The following ZNF564 variants were observed in gnomAD, a reference collection of about 807,000 sequenced individuals.
ZNF564 encodes zinc finger protein 564.
In ZNF564, 5 loss-of-function variants were observed where a neutral mutation model predicts 10.5. The observed-to-expected ratio is 0.48, with a 90% CI of 0.25 to 1.00. The LOEUF (loss-of-function observed/expected upper bound fraction) is 1.00. Ranked by LOEUF, ZNF564 falls within the 50% of genes least tolerant of loss-of-function variation. The pLI is 0.16. For synonymous variants in ZNF564, 242 were observed against 218.1 expected, an observed-to-expected ratio of 1.11 and a Z score of -0.97; for missense variants, 603 against 669.7, an observed-to-expected ratio of 0.90 and a Z score of 1.10.
At chr19:12,527,965 T>C (rs763197254) in intron 3 of ZNF564, 49 bp from the exon 4 acceptor site, 1 of 1,515,616 alleles carries the variant, frequency 6.6e-7, no homozygotes, top group Non-Finnish European at 8.9e-7. Context: ...TTTATATTTA[T>C]TAATAGGTAT....
chr19:12,526,811 G>C lies in ZNF564; in HGVS notation c.1297C>G (p.Leu433Val). The change falls in exon 4 of 4, where the codon CTT becomes GTT. Residue 433 changes from leucine (L) to valine (V), a missense_variant. Physicochemically the swap from Leu to Val is conservative, Grantham distance 32. Coordinates refer to ENST00000339282, the MANE Select transcript of ZNF564 (RefSeq NM_144976.4). ...ATCATATGTTTTCTAATCCTTTTAA[G>C]AGAAATGAAGGCTTTCCCACATACC... ...CQVCGKAFISLKRIRKHMILH... is the reference protein window; with the variant it reads ...CQVCGKAFISVKRIRKHMILH... The C allele has an allele frequency of 6.2e-7, 1 of 1,613,972 alleles. No homozygotes were observed. The highest frequency in any genetic ancestry group is 8.5e-7 in the Non-Finnish European group (1 of 1,179,976).
chr19:12,527,984 C>A (rs139201991), intron 3 of ZNF564, 68 bp from the exon 4 acceptor site: 2 of 1,474,964 alleles, frequency 1.4e-6, no homozygotes, highest in East Asian at 4.5e-5. Context: ...ATTCGACTTA[C>A]ATTTTTACCA....
At chr19:12,539,157 C>G (rs375050647) in intron 1 of ZNF564, among the ~76,000 whole-genome samples, 12 of 147,480 alleles carry the variant, frequency 8.1e-5, no homozygotes, top group African/African-American at 3.0e-4. Context: ...TCGCTTGAAT[C>G]TAGGAGGCAG....
At chr19:12,535,632 A>G (rs767955245) in intron 1 of ZNF564, among the ~76,000 whole-genome samples, 1 of 152,220 alleles carries the variant, frequency 6.6e-6, no homozygotes, top group Admixed American at 6.6e-5. Flanking sequence ...TGAATATACA[A>G]TAGTCAACTC....
Position 12,526,777 on chromosome 19 carries a change from G to C in ZNF564, c.1331C>G (p.Thr444Ser). 6.2e-7 allele frequency: 1 copy of C among 1,614,174 alleles called. No individual in the cohort carries two copies. The highest frequency in any genetic ancestry group is 8.5e-7 in the Non-Finnish European group (1 of 1,180,040). The change falls in exon 4 of 4, where the codon ACT becomes AGT. Residue 444 changes from threonine (T) to serine (S), a missense_variant. Physicochemically the swap from Thr to Ser is moderately conservative, Grantham distance 58. Coordinates refer to ENST00000339282, the MANE Select transcript of ZNF564 (RefSeq NM_144976.4). ...CTGACATTTATAAGGTCCATCTCCA[G>C]TGTGCAGTATCATATGTTTTCTAAT... ...KRIRKHMILH[T>S]GDGPYKCQVC...
chr19:12,532,164 T>C (rs531585023), intron 1 of ZNF564, among the ~76,000 whole-genome samples: 2 of 151,776 alleles, frequency 1.3e-5, no homozygotes, highest in Non-Finnish European at 2.9e-5. Flanking sequence ...TAATGCGCTA[T>C]AATTTATTGT....
Position 12,537,675 on chromosome 19 carries a change from T to C in ZNF564, c.4-8979A>G, listed in dbSNP as rs985810058. 4.0e-5 allele frequency among the ~76,000 whole-genome samples: 6 copies of C among 150,034 alleles called. No individual in the cohort carries two copies. The Admixed American group carries it at 4.0e-4, about 10-fold the overall frequency. On this transcript the variant is annotated intron_variant, in intron 1 of 3. Transcript: ENST00000339282. Reference sequence around the variant, plus strand: ...ATCACTTGAACCCGGGAGGCGGAGGTTGCGGTGAGCCGAGATTTCGCCATT... The same window carrying C: ...ATCACTTGAACCCGGGAGGCGGAGGCTGCGGTGAGCCGAGATTTCGCCATT...
intron 1 of ZNF564, among the ~76,000 whole-genome samples, chr19:12,549,087 C>G (rs73002320): frequency 0.062 from 9,407 of 152,064 alleles, 343 homozygotes; most frequent in African/African-American, 0.1. Flanking sequence ...GAGGAAACTA[C>G]ACAAATAAGA....
chr19:12,535,808 G>C (rs10402969), intron 1 of ZNF564, among the ~76,000 whole-genome samples: 1,877 of 152,168 alleles, frequency 0.012, 28 homozygotes, highest in African/African-American at 0.043. Context: ...GAGGTCAAGA[G>C]ATCGAGACCA....
chr19:12,541,066 C>CAAAAAAAAAAAAAA (rs35848835), intron 1 of ZNF564, among the ~76,000 whole-genome samples: 1 of 59,734 alleles, frequency 1.7e-5, no homozygotes, highest in Non-Finnish European at 2.8e-5. Context: ...CCTGTCTCTA[C>CAAAAAAAAAAAAAA]AAAAAAAAAA....
chr19:12,526,870 C>A lies in ZNF564; in HGVS notation c.1238G>T (p.Arg413Ile), dbSNP rs775337600. 4.3e-6 allele frequency: 7 copies of A among 1,613,942 alleles called. No individual in the cohort carries two copies. Among genetic ancestry groups the A allele is most frequent in the Admixed American group, 3.3e-5 (2 of 59,990 alleles). Residue 413 changes from arginine (R) to isoleucine (I), a missense_variant, in exon 4 of 4, where the codon AGA becomes ATA. By Grantham distance (97) the Arg-to-Ile change is moderately conservative (BLOSUM62 -3). Transcript: ENST00000339282. ...DCPSSFQIHE[R>I]THTGEKPYEC... ...ATAGGGTTTCTCTCCAGTGTGAGTT[C>A]TTTCGTGTATTTGAAATGAACTGGG...
intron 1 of ZNF564, chr19:12,550,292 CA>C (rs148242369): frequency 0.014 from 1,650 of 115,990 alleles, 8 homozygotes; most frequent in Non-Finnish European, 0.019. Context: ...AACTCTGTCT[CA>C]AAAAAAAAAA....
Position 12,527,565 on chromosome 19 carries a change from G to A in ZNF564, c.543C>T (p.Leu181=), listed in dbSNP as rs760845818. Residue 181 remains leucine, a synonymous_variant, in exon 4 of 4, where the codon CTC becomes CTT. Transcript: ENST00000339282. The part of the protein sequence containing the change: ...CPECGKAFIS[L]PSVRRHMIKH... ...TAATCATGTGTCTTCGAACACTTGG[G>A]AGAGAAATGAAGGCTTTCCCACATT... is the stretch of plus-strand genomic sequence containing the variant. 19 of 1,613,868 alleles carry A rather than the reference G, an allele frequency of 1.2e-5. No homozygotes were observed. The highest frequency in any genetic ancestry group is 2.7e-5 in the African/African-American group (2 of 74,832).
chr19:12,533,808 C>T (rs1312226515), intron 1 of ZNF564, among the ~76,000 whole-genome samples: 1 of 131,086 alleles, frequency 7.6e-6, no homozygotes, highest in Non-Finnish European at 1.6e-5. Context: ...GCAAATTAAA[C>T]CCAAGTAAGC....
At chr19:12,533,345 T>C (rs981963086) in intron 1 of ZNF564, among the ~76,000 whole-genome samples, 1 of 152,116 alleles carries the variant, frequency 6.6e-6, no homozygotes, top group Non-Finnish European at 1.5e-5. Flanking sequence ...AAAATTAGGG[T>C]ATGCAGCAAA....
At chr19:12,536,040 G>A (rs992611821) in intron 1 of ZNF564, among the ~76,000 whole-genome samples, 2 of 150,256 alleles carry the variant, frequency 1.3e-5, no homozygotes, top group Admixed American at 1.3e-4. Flanking sequence ...AGGGCAAACC[G>A]TAAAGAAGAG....
chr19:12,551,280 T>C, intron 1 of ZNF564, 50 bp downstream of exon 1: 1 of 1,589,604 alleles, frequency 6.3e-7, no homozygotes, highest in Non-Finnish European at 8.6e-7. Flanking sequence ...TCCGGCCGGT[T>C]CCCACAAGCC....
At chr19:12,541,066 C>CA (rs35848835) in intron 1 of ZNF564, among the ~76,000 whole-genome samples, 29,850 of 59,912 alleles carry the variant, frequency 0.5, 6,726 homozygotes, top group Non-Finnish European at 0.58. Flanking sequence ...CCTGTCTCTA[C>CA]AAAAAAAAAA....
At chr19:12,536,142 G>A (rs1182534129) in intron 1 of ZNF564, among the ~76,000 whole-genome samples, 1 of 151,814 alleles carries the variant, frequency 6.6e-6, no homozygotes, top group Non-Finnish European at 1.5e-5. Flanking sequence ...TTAAAATGAA[G>A]AGACTCATGA....
Sources: allele counts gnomAD v4.1 joint callset (sites outside exome capture counted in the v4.1 genomes callset), GRCh38; gene constraint gnomAD v4.1.1; transcripts MANE v1.5; gene names NCBI Gene and HGNC (gene_info 2026-07-23, HGNC 2026-07-21).